TOLLIP: variants seen among roughly 807,000 people sequenced by gnomAD.
TOLLIP encodes the protein toll interacting protein, also known as toll-interacting protein.
A neutral mutation model predicts 33.5 loss-of-function variants in TOLLIP; 16 were observed. The observed-to-expected ratio is 0.48, with a 90% CI of 0.32 to 0.72. The LOEUF is 0.72. Among genes scored for constraint, TOLLIP ranks in the 30% least tolerant of loss-of-function variants. The probability of loss-of-function intolerance (pLI) is 0.03; values close to 1 mark genes in which losing one functional copy is unlikely to be tolerated. For synonymous variants in TOLLIP, 176 were observed against 163.7 expected, an observed-to-expected ratio of 1.07 and a Z score of -0.57; for missense variants, 325 against 396.6, an observed-to-expected ratio of 0.82 and a Z score of 1.53.
At position 1,309,627 on chromosome 11, in the gene TOLLIP, A is replaced by AGCCGCCGCGCCCC; in HGVS notation, c.-130_-129insGGGGCGCGGCGGC. ...GCCGCCGCCGCCACAGTCAGCTGAC[A>AGCCGCCGCGCCCC]GCCGCCGCGCCCCGCCCCCGGCACC... On this transcript the variant is annotated 5_prime_UTR_variant, in exon 1 of 6. Coordinates refer to ENST00000317204, the MANE Select transcript of TOLLIP (RefSeq NM_019009.4). 1 of 347,938 alleles carries AGCCGCCGCGCCCC rather than the reference A, an allele frequency of 2.9e-6. No individual in the cohort carries two copies. The highest frequency in any genetic ancestry group is 4.8e-5 in the East Asian group (1 of 20,936). The allele number at this position is 347,938 out of a possible 1,614,324, so 21.6% of individuals were successfully genotyped here.
chr11:1,281,803 C>T (rs1418456691), intron 5 of TOLLIP, among the ~76,000 whole-genome samples: 1 of 152,266 alleles, frequency 6.6e-6, no homozygotes, highest in African/African-American at 2.4e-5. Flanking sequence ...CTGTGGGCGA[C>T]ACACATGCTC....
rs1415452080 is a variant in TOLLIP, at chr11:1,303,508, G to T, written c.33+5958C>A. ...GAAGAAGACAAACGGGAAGCATCAT[G>T]AGTTATGCTGTATGCTAACGGCAGG... On this transcript the variant is annotated intron_variant, in intron 1 of 5. Coordinates refer to ENST00000317204, the MANE Select transcript of TOLLIP (RefSeq NM_019009.4). This position sits in a 1 kb window ranked among gnomAD's most constrained non-coding sequence, Gnocchi z 4.2. Among the ~76,000 whole-genome samples, 1 of 152,260 alleles carries T rather than the reference G, an allele frequency of 6.6e-6. No homozygotes were observed. Among genetic ancestry groups the T allele is most frequent in the African/African-American group, 2.4e-5 (1 of 41,468 alleles).
In TOLLIP at chr11:1,278,403, A is replaced by C. The variant is rs1863381256; in HGVS notation, c.611-1150T>G. On this transcript the variant is annotated intron_variant, in intron 5 of 5. Transcript: ENST00000317204. This position sits in a 1 kb window ranked among gnomAD's most constrained non-coding sequence, Gnocchi z 4.7. ...GGATAGGACTTTTGTTCCTTTCTAC[A>C]CTTGGAGGATCCTAAAGGCAGCAGA... Among the ~76,000 whole-genome samples, 1 of 152,118 alleles carries C rather than the reference A, an allele frequency of 6.6e-6. No individual in the cohort carries two copies.
intron 1 of TOLLIP, among the ~76,000 whole-genome samples, chr11:1,304,719 C>T (rs1864379226): frequency 6.6e-6 from 1 of 152,194 alleles, no homozygotes; most frequent in Non-Finnish European, 1.5e-5. Context: ...TGTACTTTCC[C>T]AGCACAGTGT....
At chr11:1,281,387 T>G (rs571048771) in intron 5 of TOLLIP, among the ~76,000 whole-genome samples, 5 of 152,262 alleles carry the variant, frequency 3.3e-5, no homozygotes, top group Admixed American at 3.3e-4. Flanking sequence ...CTGAGGAAAG[T>G]GGACGGTCCT....
chr11:1,295,203 C>T (rs1023801041), intron 2 of TOLLIP, among the ~76,000 whole-genome samples: 1 of 152,242 alleles, frequency 6.6e-6, no homozygotes, highest in African/African-American at 2.4e-5. Context: ...CACTAAGCAA[C>T]CACGGGCCGG....
intron 2 of TOLLIP, among the ~76,000 whole-genome samples, chr11:1,292,805 C>T (rs995983311): frequency 6.6e-5 from 10 of 152,254 alleles, no homozygotes; most frequent in Non-Finnish European, 1.2e-4. Context: ...CACAGCGCAG[C>T]AGACGGCGTT....
chr11:1,307,229 C>A (rs1420998799), intron 1 of TOLLIP, among the ~76,000 whole-genome samples: 1 of 152,212 alleles, frequency 6.6e-6, no homozygotes, highest in East Asian at 1.9e-4. Flanking sequence ...CAGCTCCGAG[C>A]CAGACCTCAT....
intron 1 of TOLLIP, 63 bp downstream of exon 1, chr11:1,309,403 C>G (rs1864526664): frequency 9.8e-7 from 1 of 1,017,594 alleles, no homozygotes; most frequent in African/African-American, 1.7e-5. Flanking sequence ...GTAGCCCTGA[C>G]CCAAGGCCCC....
chr11:1,277,388 C>G lies in TOLLIP; in HGVS notation c.611-135G>C. On this transcript the variant is annotated intron_variant, in intron 5 of 5. Coordinates refer to ENST00000317204, the MANE Select transcript of TOLLIP (RefSeq NM_019009.4). This position sits in a 1 kb window ranked among gnomAD's most constrained non-coding sequence, Gnocchi z 4.2. The stretch of plus-strand genomic sequence containing the variant: ...GGGCCACCTCGGGTCTCAGCAAACA[C>G]CAGTCCCGCAAGACACCCTGGAAAG... The G allele has an allele frequency of 1.5e-6, 1 of 672,262 alleles. No homozygotes were observed. 41.6% of individuals were successfully genotyped at this position (672,262 alleles called of 1,614,324 possible).
chr11:1,286,509 A>AT (rs1171076195), intron 4 of TOLLIP, among the ~76,000 whole-genome samples: 2 of 152,210 alleles, frequency 1.3e-5, no homozygotes, highest in Admixed American at 1.3e-4. Flanking sequence ...TCCACTGTGG[A>AT]TAAGTCACTG....
rs5743887 is a variant in TOLLIP, at chr11:1,304,909, C to T, written c.33+4557G>A. 2.0e-3 allele frequency among the ~76,000 whole-genome samples: 309 copies of T among 152,330 alleles called. 3 individuals are homozygous for T. The highest frequency in any genetic ancestry group is 7.2e-3 in the African/African-American group (299 of 41,580). ...CTCTTAACTAGAAAGATGAAACTAG[C>T]GCATTCCCATCAAAAGACTTAGTCT... On this transcript the variant is annotated intron_variant, in intron 1 of 5. Transcript: ENST00000317204.
chr11:1,284,514 A>T (rs1355897066), intron 5 of TOLLIP, among the ~76,000 whole-genome samples: 1 of 151,826 alleles, frequency 6.6e-6, no homozygotes, highest in African/African-American at 2.4e-5. Context: ...GCGCCCGGCT[A>T]ATTTGTTTGT....
chr11:1,280,758 G>C (rs1347904562), intron 5 of TOLLIP, among the ~76,000 whole-genome samples: 4 of 152,106 alleles, frequency 2.6e-5, no homozygotes, highest in Non-Finnish European at 1.5e-5. Context: ...AAAGTGAGGA[G>C]GGCCCCAGAG....
intron 5 of TOLLIP, chr11:1,283,500 C>T (rs1863574909): frequency 4.4e-6 from 2 of 454,888 alleles, no homozygotes; most frequent in Middle Eastern, 3.6e-4. Flanking sequence ...TCCGGTGGGG[C>T]GTCAGGTGGA....
chr11:1,288,912 T>G, intron 3 of TOLLIP, 136 bp from the exon 4 acceptor site: 1 of 914,172 alleles, frequency 1.1e-6, no homozygotes, highest in South Asian at 1.8e-5. Context: ...CAACACCCCA[T>G]CGATGAGACC....
At chr11:1,307,052 C>T (rs1864439217) in intron 1 of TOLLIP, among the ~76,000 whole-genome samples, 1 of 152,208 alleles carries the variant, frequency 6.6e-6, no homozygotes, top group African/African-American at 2.4e-5. Flanking sequence ...GCTGCCATGT[C>T]TACCGTGCTG....
chr11:1,283,198 G>C (rs1239469092), intron 5 of TOLLIP: 1 of 202,004 alleles, frequency 5.0e-6, no homozygotes, highest in African/African-American at 2.3e-5. Context: ...AAAATGCGGG[G>C]GCCCTGCCAG....
rs1172991932 is a variant in TOLLIP, at chr11:1,283,234, C to T, written c.610+2768G>A. On this transcript the variant is annotated intron_variant, in intron 5 of 5. Transcript: ENST00000317204. The stretch of plus-strand genomic sequence containing the variant: ...CAGCCCCGGGGAAACTCAGCCCTAC[C>T]CTGCAAGGCCACGTCAGCAGCCCCA... 1.8e-5 allele frequency: 4 copies of T among 228,110 alleles called. No homozygotes were observed. In the East Asian group the frequency reaches 3.5e-4, roughly 20 times the overall value. The allele number at this position is 228,110 out of a possible 1,614,324, so 14.1% of individuals were successfully genotyped here. A position where few individuals can be genotyped will look rare whatever the true frequency, so the allele number is the denominator to read the frequency against.
Sources: allele counts gnomAD v4.1 joint callset (sites outside exome capture counted in the v4.1 genomes callset), GRCh38; gene constraint gnomAD v4.1.1; non-coding constraint Gnocchi (gnomAD v3.1); transcripts MANE v1.5; gene names NCBI Gene and HGNC (gene_info 2026-07-23, HGNC 2026-07-21).